The following MOB1A variants were observed in gnomAD, a reference collection of about 807,000 sequenced individuals.
MOB1A encodes MOB1 Mps One Binder homolog A.
In MOB1A, 10 loss-of-function variants were observed where a neutral mutation model predicts 25.1. The observed-to-expected ratio is 0.40, with a 90% CI of 0.25 to 0.68. The LOEUF (loss-of-function observed/expected upper bound fraction) is 0.68, where lower values mean the gene tolerates loss of function less well. MOB1A is among the 30% of genes least tolerant of loss of function. The probability of loss-of-function intolerance (pLI) is 0.40; values close to 1 mark genes in which losing one functional copy is unlikely to be tolerated. For synonymous variants in MOB1A, 81 were observed against 79.5 expected, an observed-to-expected ratio of 1.02 and a Z score of -0.10; for missense variants, 177 against 256.3, an observed-to-expected ratio of 0.69 and a Z score of 2.11.
chr2:74,173,948 C>CAAAAAAA (rs773447145), intron 1 of MOB1A, among the ~76,000 whole-genome samples: 55 of 56,088 alleles, frequency 9.8e-4, no homozygotes, highest in East Asian at 2.4e-3. Context: ...AACTCCGTCT[C>CAAAAAAA]AAAAAAAAAA....
intron 1 of MOB1A, among the ~76,000 whole-genome samples, chr2:74,174,467 TTA>T (rs2103745701): frequency 6.6e-6 from 1 of 152,068 alleles, no homozygotes; most frequent in Non-Finnish European, 1.5e-5. Context: ...GCAGGGAGGT[TTA>T]GTTCAAAAAT....
At chr2:74,175,956 T>C (rs1269850718) in intron 1 of MOB1A, among the ~76,000 whole-genome samples, 1 of 151,460 alleles carries the variant, frequency 6.6e-6, no homozygotes, top group Non-Finnish European at 1.5e-5. Context: ...GATTAAGAAG[T>C]AAAAAAGAGC....
intron 4 of MOB1A, among the ~76,000 whole-genome samples, chr2:74,160,982 C>T (rs1333106356): frequency 1.3e-5 from 2 of 152,064 alleles, no homozygotes; most frequent in African/African-American, 4.8e-5. Flanking sequence ...TCGCTTGAAC[C>T]CAGGAGGCGG....
In MOB1A at chr2:74,178,790, G is replaced by A; in HGVS notation, c.-116C>T. The A allele has an allele frequency of 1.0e-5, 5 of 489,674 alleles. No individual in the cohort carries two copies. Among genetic ancestry groups the A allele is most frequent in the Middle Eastern group, 5.2e-4 (1 of 1,916 alleles). 30.3% of individuals were successfully genotyped at this position (489,674 alleles called of 1,614,324 possible). On this transcript the variant is annotated 5_prime_UTR_variant, in exon 1 of 6. Transcript: ENST00000396049. ...CACGGGCAGCGGAAGCCGGGCCGCC[G>A]CCGCTCGGAGCCGGGTTTCTGGCCG...
chr2:74,177,497 C>G (rs1693508699), intron 1 of MOB1A, among the ~76,000 whole-genome samples: 1 of 152,012 alleles, frequency 6.6e-6, no homozygotes, highest in Non-Finnish European at 1.5e-5. Flanking sequence ...ATCATACAGG[C>G]TTTTTGACAA....
In MOB1A at chr2:74,154,840, G is replaced by A. The variant is rs1049751064; in HGVS notation, c.*1728C>T. 6 of 151,978 alleles carry A rather than the reference G, an allele frequency of 3.9e-5. No homozygotes were observed. In the East Asian group the frequency reaches 9.7e-4, roughly 24 times the overall value. 9.4% of individuals were successfully genotyped at this position (151,978 alleles called of 1,614,324 possible). A position where few individuals can be genotyped will look rare whatever the true frequency, so the allele number is the denominator to read the frequency against. ...ATGGATTGTGGAATGTCTAATAGAG[G>A]GCTTTTCTCTCTTTTTTTTAATAAT... On this transcript the variant is annotated 3_prime_UTR_variant, in exon 6 of 6. Transcript: ENST00000396049.
chr2:74,176,124 A>AC (rs1558840667), intron 1 of MOB1A, among the ~76,000 whole-genome samples: 9 of 136,984 alleles, frequency 6.6e-5, no homozygotes, highest in East Asian at 2.2e-4. Context: ...ACACACACAC[A>AC]AACTAGCCGG....
At chr2:74,157,746 T>C (rs574577276) in intron 5 of MOB1A, among the ~76,000 whole-genome samples, 1 of 152,264 alleles carries the variant, frequency 6.6e-6, no homozygotes, top group East Asian at 1.9e-4. Context: ...GGTGAGAGTA[T>C]AGTAGGATAA....
At chr2:74,168,533 C>T (rs1393806757) in intron 2 of MOB1A, among the ~76,000 whole-genome samples, 1 of 152,102 alleles carries the variant, frequency 6.6e-6, no homozygotes, top group African/African-American at 2.4e-5. Flanking sequence ...GTCCCAGCTA[C>T]TCAGGACGCT....
intron 1 of MOB1A, among the ~76,000 whole-genome samples, chr2:74,176,931 A>G (rs1195648997): frequency 6.6e-6 from 1 of 152,176 alleles, no homozygotes; most frequent in Non-Finnish European, 1.5e-5. Flanking sequence ...GCTCCTAAGT[A>G]TATACCCAAG....
chr2:74,169,217 T>C (rs1693213636), intron 2 of MOB1A, among the ~76,000 whole-genome samples: 1 of 152,192 alleles, frequency 6.6e-6, no homozygotes, highest in Non-Finnish European at 1.5e-5. Context: ...TAAAATGAAT[T>C]TGGGCCGGGT....
intron 1 of MOB1A, among the ~76,000 whole-genome samples, chr2:74,176,055 G>A (rs1053898913): frequency 2.1e-5 from 3 of 146,262 alleles, no homozygotes; most frequent in Non-Finnish European, 3.0e-5. Flanking sequence ...AGACCACCCT[G>A]ACCAACATAG....
chr2:74,154,212 AT>A lies in MOB1A; in HGVS notation c.*2355del, dbSNP rs1379410125. ...TGTCTCAAAAAAAAAAAAAAAAAAG[AT>A]TGATTTCGTCAAACTGTTATCAAAG... is the stretch of plus-strand genomic sequence containing the variant. On this transcript the variant is annotated 3_prime_UTR_variant, in exon 6 of 6. Transcript: ENST00000396049. 2 of 150,776 alleles carry A rather than the reference AT, an allele frequency of 1.3e-5. No homozygotes were observed. Among genetic ancestry groups the A allele is most frequent in the African/African-American group, 4.9e-5 (2 of 40,800 alleles). 9.3% of individuals were successfully genotyped at this position (150,776 alleles called of 1,614,324 possible). A position where few individuals can be genotyped will look rare whatever the true frequency, so the allele number is the denominator to read the frequency against.
chr2:74,157,999 T>C (rs1472210057), intron 5 of MOB1A, among the ~76,000 whole-genome samples: 1 of 151,880 alleles, frequency 6.6e-6, no homozygotes, highest in East Asian at 1.9e-4. Flanking sequence ...CTAGCCAACA[T>C]GGTGAAACCC....
rs1693557570 is a variant in MOB1A at position 74,178,839 on chromosome 2, C to A, written c.-165G>T. The A allele has an allele frequency of 9.6e-6, 4 of 415,780 alleles. No homozygotes were observed. The East Asian group carries it at 1.5e-4, about 15-fold the overall frequency. The allele number at this position is 415,780 out of a possible 1,614,324, so 25.8% of individuals were successfully genotyped here. ...CGCTGCGAGCCTTTGCAAACCTCGG[C>A]GCCCGCCTTGCCCGCCTACCCCACC... On this transcript the variant is annotated 5_prime_UTR_variant, in exon 1 of 6. Coordinates refer to ENST00000396049, the MANE Select transcript of MOB1A (RefSeq NM_018221.5).
chr2:74,159,483 T>C (rs1692899873), intron 4 of MOB1A, among the ~76,000 whole-genome samples: 1 of 152,050 alleles, frequency 6.6e-6, no homozygotes, highest in Non-Finnish European at 1.5e-5. Flanking sequence ...GATGGGGTTT[T>C]GCCATGTTGC....
At chr2:74,176,860 C>T (rs930544520) in intron 1 of MOB1A, among the ~76,000 whole-genome samples, 1 of 151,898 alleles carries the variant, frequency 6.6e-6, no homozygotes. Context: ...TGGTGCAGCA[C>T]TTTGAAGTTT....
rs1437912269 is a variant in MOB1A, at chr2:74,153,613, C to G, written c.*2955G>C. On this transcript the variant is annotated 3_prime_UTR_variant, in exon 6 of 6. Coordinates refer to ENST00000396049, the MANE Select transcript of MOB1A (RefSeq NM_018221.5). ...GGCTGTCAATACAAAAACTGTAGTACAAGGAAGTTCAACTGTTTAAAAATC... is the reference window on the plus strand; with the variant it reads ...GGCTGTCAATACAAAAACTGTAGTAGAAGGAAGTTCAACTGTTTAAAAATC... 3 of 152,174 alleles carry G rather than the reference C, an allele frequency of 2.0e-5. No homozygotes were observed. Among genetic ancestry groups the G allele is most frequent in the Non-Finnish European group, 4.4e-5 (3 of 68,034 alleles). 9.4% of individuals were successfully genotyped at this position (152,174 alleles called of 1,614,324 possible).
rs921772527 is a variant in MOB1A at position 74,158,943 on chromosome 2, T to C, written c.573+148A>G. ...CTGCTGCACACATCAATAAAATAAA[T>C]AATGTGGAAAAGAGAACAAAACAGA... is the stretch of plus-strand genomic sequence containing the variant. On this transcript the variant is annotated intron_variant, in intron 5 of 5. Coordinates refer to ENST00000396049, the MANE Select transcript of MOB1A (RefSeq NM_018221.5). 9 of 833,690 alleles carry C rather than the reference T, an allele frequency of 1.1e-5. No homozygotes were observed. The South Asian group carries it at 1.4e-4, about 13-fold the overall frequency. 51.6% of individuals were successfully genotyped at this position (833,690 alleles called of 1,614,324 possible).
Sources: gnomAD v4.1 joint callset for allele counts (sites outside exome capture counted in the v4.1 genomes callset) on GRCh38, gnomAD v4.1.1 for gene constraint, MANE v1.5 for transcripts, NCBI Gene and HGNC (gene_info 2026-07-23, HGNC 2026-07-21) for gene names.